Variants in PLEKHG5 observed in about 807,000 individuals in gnomAD.
PLEKHG5 encodes pleckstrin homology and RhoGEF domain containing G5, also known as pleckstrin homology domain-containing family G member 5.
PLEKHG5 carries 52 observed loss-of-function variants against 103.8 expected under a neutral mutation model. That is an observed-to-expected ratio of 0.50 (90% CI 0.40 to 0.63). The LOEUF (loss-of-function observed/expected upper bound fraction) is 0.63, where lower values mean the gene tolerates loss of function less well. PLEKHG5 is among the 30% of genes least tolerant of loss of function. The probability of loss-of-function intolerance (pLI) is 0.00; values close to 1 mark genes in which losing one functional copy is unlikely to be tolerated. For synonymous variants in PLEKHG5, 592 were observed against 575.5 expected, an observed-to-expected ratio of 1.03 and a Z score of -0.41; for missense variants, 1,205 against 1,347.6, an observed-to-expected ratio of 0.89 and a Z score of 1.66.
At chr1:6,511,557 C>T (rs576649189) in intron 1 of PLEKHG5, among the ~76,000 whole-genome samples, 67 of 152,332 alleles carry the variant, frequency 4.4e-4, no homozygotes, top group African/African-American at 1.0e-3. Context: ...AGGAGGGATC[C>T]GAGAGGGGTC....
chr1:6,506,322 C>T (rs995315564), intron 1 of PLEKHG5, among the ~76,000 whole-genome samples: 4 of 152,108 alleles, frequency 2.6e-5, no homozygotes, highest in African/African-American at 4.8e-5. Context: ...ATTCTGGGAG[C>T]GGCTGGGGGC....
rs1293921121 is a variant in PLEKHG5 at position 6,467,844 on chromosome 1, T to C, written c.2992A>G (p.Asn998Asp). Residue 998 changes from asparagine (N) to aspartate (D), a missense_variant, in exon 20 of 21, where the codon AAC (asparagine) becomes GAC (aspartate). Transcript: ENST00000377728. The part of the protein sequence containing the change: ...LYRIRTTLLL[N>D]STLTASEV ...ACTCACGAGGCAGTGAGCGTGGAGT[T>C]AAGCAGCAGGGTGGTCCTGATTCGG... The C allele has an allele frequency of 1.9e-6, 3 of 1,613,152 alleles. No individual in the cohort carries two copies. In the African/African-American group the frequency reaches 4.0e-5, roughly 22 times the overall value.
At chr1:6,500,335 CAGG>C (rs1645281692), upstream of PLEKHG5, among the ~76,000 whole-genome samples, 1 of 152,118 alleles carries the variant, frequency 6.6e-6, no homozygotes, top group Admixed American at 6.5e-5. Context: ...GCAGACAGGG[CAGG>C]AGAAGGCAGC....
Position 6,470,202 on chromosome 1 carries a change from G to A in PLEKHG5, c.1800+34C>T, listed in dbSNP as rs1406791101. 5 of 1,610,470 alleles carry A rather than the reference G, an allele frequency of 3.1e-6. No homozygotes were observed. The South Asian group carries it at 5.5e-5, about 18-fold the overall frequency. On this transcript the variant is annotated intron_variant, in intron 16 of 20. Coordinates refer to ENST00000377728, the MANE Select transcript of PLEKHG5 (RefSeq NM_020631.6). ...GGGGCCCAGGAGGTCCCTAGGAAGG[G>A]CAGGGCACAGGGGTGGGGTGGCCCT...
rs151269328 is a variant in PLEKHG5, at chr1:6,486,725, CT to C, written c.-88+4911del. 3.9e-5 allele frequency among the ~76,000 whole-genome samples: 6 copies of C among 152,354 alleles called. No individual in the cohort carries two copies. The highest frequency in any genetic ancestry group is 1.2e-4 in the African/African-American group (5 of 41,580). ...TCACCACTACACGGCTGTCAAAGCG[CT>C]TTTACACTGATTCCCAGGAAGGCAG... On this transcript the variant is annotated intron_variant, in intron 1 of 20. Coordinates refer to ENST00000377728, the MANE Select transcript of PLEKHG5 (RefSeq NM_020631.6). This position sits in a 1 kb window ranked among gnomAD's most constrained non-coding sequence, Gnocchi z 5.3.
At chr1:6,489,392 C>T (rs189201537) in intron 1 of PLEKHG5, among the ~76,000 whole-genome samples, 3 of 152,314 alleles carry the variant, frequency 2.0e-5, no homozygotes, top group East Asian at 1.9e-4. Flanking sequence ...TGCCCTGTGC[C>T]GGGCAGATGG....
At chr1:6,516,866 G>GTGTGTGTGTATATATATA (rs1288870331) in intron 1 of PLEKHG5, among the ~76,000 whole-genome samples, 1 of 25,828 alleles carries the variant, frequency 3.9e-5, no homozygotes. Flanking sequence ...GTATATATGT[G>GTGTGTGTGTATATATATA]TATATATATA....
At chr1:6,504,562 CT>C (rs1296050995) in intron 1 of PLEKHG5, among the ~76,000 whole-genome samples, 5 of 126,418 alleles carry the variant, frequency 4.0e-5, no homozygotes, top group Non-Finnish European at 7.9e-5. Flanking sequence ...TCCCTTCTCT[CT>C]TTTTTTTTCT....
chr1:6,510,755 AG>A (rs1467512213), intron 1 of PLEKHG5, among the ~76,000 whole-genome samples: 2 of 152,092 alleles, frequency 1.3e-5, no homozygotes, highest in Non-Finnish European at 2.9e-5. Context: ...AGGGGTGAAC[AG>A]GGCGTGGTGC....
chr1:6,514,328 G>A (rs563740557), intron 1 of PLEKHG5, among the ~76,000 whole-genome samples: 3 of 151,766 alleles, frequency 2.0e-5, no homozygotes, highest in Admixed American at 6.6e-5. Context: ...GGTGGTATGC[G>A]CCTGTGGTCC....
chr1:6,500,587 C>G (rs1287318311), upstream of PLEKHG5, among the ~76,000 whole-genome samples: 1 of 141,550 alleles, frequency 7.1e-6, no homozygotes, highest in Non-Finnish European at 1.5e-5. Context: ...ATCTTGAACT[C>G]CCCCCTCCCC....
intron 1 of PLEKHG5, chr1:6,485,239 C>A: frequency 1.1e-6 from 1 of 924,970 alleles, no homozygotes; most frequent in Admixed American, 4.3e-5. Context: ...CGGGCACCCC[C>A]TCCCTGGCCT....
intron 7 of PLEKHG5, 65 bp from the exon 8 acceptor site, chr1:6,473,519 G>C (rs1165831041): frequency 3.8e-6 from 5 of 1,320,986 alleles, no homozygotes; most frequent in South Asian, 1.5e-5. Flanking sequence ...ACCCCAGGGC[G>C]GGTTTCCAGG....
intron 18 of PLEKHG5, 38 bp downstream of exon 18, chr1:6,469,297 A>G (rs1054467166): frequency 6.2e-7 from 1 of 1,612,966 alleles, no homozygotes. Context: ...GCATCTCCCT[A>G]ATCTGCCTTG....
rs545166285 is a variant in PLEKHG5, at chr1:6,491,093, CTT to C, written c.-88+542_-88+543del. On this transcript the variant is annotated intron_variant, in intron 1 of 20. Transcript: ENST00000377728. This position sits in a 1 kb window ranked among gnomAD's most constrained non-coding sequence, Gnocchi z 4.1. Reference sequence around the variant, plus strand: ...CAGCCCGCTTTTCTCTGGGCCCCCTCTTTTTTTTTTTTCTGGCCCAGGTGATA... The same window carrying C: ...CAGCCCGCTTTTCTCTGGGCCCCCTCTTTTTTTTTTCTGGCCCAGGTGATA... 1.4e-5 allele frequency among the ~76,000 whole-genome samples: 2 copies of C among 145,798 alleles called. No individual in the cohort carries two copies. Among genetic ancestry groups the C allele is most frequent in the Non-Finnish European group, 3.0e-5 (2 of 65,878 alleles).
rs1478987550 is a variant in PLEKHG5, at chr1:6,469,325, C to T, written c.2049+10G>A. ...CTGCCTTGCCCACCCACTCACTACT[C>T]TGCACTCACCTGGGCATTGTAAATG... On this transcript the variant is annotated intron_variant, in intron 18 of 20. Coordinates refer to ENST00000377728, the MANE Select transcript of PLEKHG5 (RefSeq NM_020631.6). The T allele has an allele frequency of 8.1e-6, 13 of 1,613,316 alleles. No homozygotes were observed. In the African/African-American group the frequency reaches 1.3e-4, roughly 17 times the overall value.
chr1:6,511,726 T>G (rs1638476879), intron 1 of PLEKHG5, among the ~76,000 whole-genome samples: 3 of 152,146 alleles, frequency 2.0e-5, no homozygotes, highest in East Asian at 1.9e-4. Context: ...TGGCTTCACC[T>G]CCAGGCCTGG....
At position 6,469,226 on chromosome 1, in the gene PLEKHG5, G is replaced by A. The variant is rs542849357; in HGVS notation, c.2065C>T (p.Leu689=). The A allele has an allele frequency of 6.2e-7, 1 of 1,613,758 alleles. No individual in the cohort carries two copies. Among genetic ancestry groups the A allele is most frequent in the African/African-American group, 1.3e-5 (1 of 74,938 alleles). ...CTGCCTGGGGGCTCCTGTGCACGCAGCTGTTGCAGCTGGTTCTGCAGGCAA... is the reference window on the plus strand; with the variant it reads ...CTGCCTGGGGGCTCCTGTGCACGCAACTGTTGCAGCTGGTTCTGCAGGCAA... The part of the protein sequence containing the change: ...IYNAQNQLQQ[L]RAQEPPGSQQ... The change falls in exon 19 of 21, where the codon CTG becomes TTG. Residue 689 remains leucine (L), a synonymous_variant. Coordinates refer to ENST00000377728, the MANE Select transcript of PLEKHG5 (RefSeq NM_020631.6).
chr1:6,483,338 C>T (rs1377495498), intron 1 of PLEKHG5, among the ~76,000 whole-genome samples: 3 of 152,220 alleles, frequency 2.0e-5, no homozygotes, highest in Non-Finnish European at 2.9e-5. Flanking sequence ...CCCACTTCTA[C>T]ACCCTTCAGG....
Sources: allele counts gnomAD v4.1 joint callset (sites outside exome capture counted in the v4.1 genomes callset), GRCh38; gene constraint gnomAD v4.1.1; non-coding constraint Gnocchi (gnomAD v3.1); transcripts MANE v1.5; gene names NCBI Gene and HGNC (gene_info 2026-07-23, HGNC 2026-07-21).